Variants in GRM5 observed in about 807,000 individuals in gnomAD.
The protein encoded by GRM5 is metabotropic glutamate receptor 5.
GRM5 carries 19 observed loss-of-function variants against 83.1 expected under a neutral mutation model. The ratio of observed to expected loss-of-function variants is 0.23; its 90% CI spans 0.16 to 0.34. The LOEUF is 0.34. Among genes scored for constraint, GRM5 ranks in the 10% least tolerant of loss-of-function variants. The pLI is 1.00. For missense variants in GRM5, 1,160 were observed against 1,588.3 expected, an observed-to-expected ratio of 0.73 and a Z score of 4.58; for synonymous variants, 675 against 633.6, an observed-to-expected ratio of 1.07 and a Z score of -0.98.
intron 3 of GRM5, among the ~76,000 whole-genome samples, chr11:88,725,577 T>G (rs925402304): frequency 5.9e-5 from 9 of 152,132 alleles, no homozygotes; most frequent in Non-Finnish European, 1.0e-4. Flanking sequence ...CTGACCCCCA[T>G]GCCTCTGGAC....
chr11:88,616,348 G>C (rs973915003), intron 4 of GRM5, among the ~76,000 whole-genome samples: 1 of 150,314 alleles, frequency 6.7e-6, no homozygotes, highest in Non-Finnish European at 1.5e-5. Context: ...TAGGATATGA[G>C]GCAAGAGAGA....
At chr11:88,731,564 G>T (rs1235626102) in intron 3 of GRM5, among the ~76,000 whole-genome samples, 3 of 151,922 alleles carry the variant, frequency 2.0e-5, no homozygotes, top group Non-Finnish European at 4.4e-5. Flanking sequence ...AACATCACTG[G>T]AATATTTTGG....
intron 2 of GRM5, among the ~76,000 whole-genome samples, chr11:88,982,502 T>A (rs1215820643): frequency 6.6e-6 from 1 of 152,130 alleles, no homozygotes. Context: ...TGTAATATAG[T>A]TATAATGTTT....
chr11:88,723,780 C>T (rs979763), intron 3 of GRM5, among the ~76,000 whole-genome samples: 88,547 of 151,980 alleles, frequency 0.58, 27,864 homozygotes, highest in South Asian at 0.8. Flanking sequence ...TCAGGACCCT[C>T]TAACCTCATG....
At chr11:88,984,028 A>C (rs1565320464) in intron 2 of GRM5, among the ~76,000 whole-genome samples, 1 of 152,198 alleles carries the variant, frequency 6.6e-6, no homozygotes, top group African/African-American at 2.4e-5. Context: ...TTTGTGTTTA[A>C]AGCTGTTATT....
At chr11:88,812,264 G>A (rs868072540) in intron 3 of GRM5, among the ~76,000 whole-genome samples, 66 of 149,124 alleles carry the variant, frequency 4.4e-4, no homozygotes, top group African/African-American at 1.6e-3. Flanking sequence ...TAGTGATGAG[G>A]CTCTGAAGAG....
intron 6 of GRM5, among the ~76,000 whole-genome samples, chr11:88,594,902 T>A (rs1937757036): frequency 2.6e-5 from 4 of 152,130 alleles, no homozygotes; most frequent in African/African-American, 7.2e-5. Flanking sequence ...GCAAATAAAT[T>A]ATTTTGATAT....
intron 2 of GRM5, among the ~76,000 whole-genome samples, chr11:88,923,131 G>A (rs192917686): frequency 5.9e-4 from 90 of 152,170 alleles, no homozygotes; most frequent in African/African-American, 2.1e-3. Context: ...CACCACTATG[G>A]AGAACAGTGT....
At chr11:88,733,758 C>T (rs974313293) in intron 3 of GRM5, among the ~76,000 whole-genome samples, 5 of 151,976 alleles carry the variant, frequency 3.3e-5, no homozygotes, top group African/African-American at 4.8e-5. Flanking sequence ...TTCTCGAGAA[C>T]GTGTAAATTT....
At chr11:88,987,430 G>T (rs951079476) in intron 2 of GRM5, among the ~76,000 whole-genome samples, 3 of 151,774 alleles carry the variant, frequency 2.0e-5, no homozygotes, top group Admixed American at 2.0e-4. Flanking sequence ...GCGAGGTTGG[G>T]GGAGGGGCGC....
chr11:88,907,872 G>A (rs1945431190), intron 2 of GRM5, among the ~76,000 whole-genome samples: 1 of 151,990 alleles, frequency 6.6e-6, no homozygotes, highest in Non-Finnish European at 1.5e-5. Flanking sequence ...AGAAAATTTG[G>A]CAGTGGTGAT....
intron 1 of GRM5, among the ~76,000 whole-genome samples, chr11:89,051,220 C>T (rs1941753544): frequency 6.6e-6 from 1 of 151,782 alleles, no homozygotes; most frequent in African/African-American, 2.4e-5. Context: ...TGCGCCACTG[C>T]ACTCCAGCCT....
intron 8 of GRM5, among the ~76,000 whole-genome samples, chr11:88,538,288 A>G (rs935103258): frequency 1.3e-5 from 2 of 152,200 alleles, no homozygotes; most frequent in Non-Finnish European, 2.9e-5. Flanking sequence ...TTCAGATATG[A>G]ATCATCATAA....
intron 2 of GRM5, among the ~76,000 whole-genome samples, chr11:88,902,059 G>A (rs1356055601): frequency 6.6e-6 from 1 of 152,056 alleles, no homozygotes; most frequent in Non-Finnish European, 1.5e-5. Context: ...ACGATCCCCT[G>A]AGAAGGTCCC....
chr11:88,737,136 T>A (rs1341972362), intron 3 of GRM5, among the ~76,000 whole-genome samples: 2 of 152,114 alleles, frequency 1.3e-5, no homozygotes, highest in Non-Finnish European at 2.9e-5. Flanking sequence ...AAGCTCACAC[T>A]ATGAAAAGAT....
intron 2 of GRM5, among the ~76,000 whole-genome samples, chr11:88,963,577 A>G (rs558241289): frequency 2.0e-5 from 3 of 152,334 alleles, no homozygotes; most frequent in Admixed American, 1.3e-4. Context: ...AACCTGGTAG[A>G]GGTGGCAGAA....
At chr11:88,699,261 CTT>C (rs1322871338) in intron 3 of GRM5, among the ~76,000 whole-genome samples, 1 of 152,156 alleles carries the variant, frequency 6.6e-6, no homozygotes, top group Admixed American at 6.6e-5. Context: ...TTGAACCTAA[CTT>C]TTCACTACAG....
At chr11:88,959,443 A>C (rs1289685485) in intron 2 of GRM5, among the ~76,000 whole-genome samples, 1 of 151,696 alleles carries the variant, frequency 6.6e-6, no homozygotes, top group Non-Finnish European at 1.5e-5. Flanking sequence ...AACATATTAT[A>C]ATTAATTTTA....
chr11:88,590,721 G>A lies in GRM5; in HGVS notation c.1570C>T (p.Arg524Ter), dbSNP rs1259002284. The A allele has an allele frequency of 1.9e-6, 3 of 1,610,268 alleles. No homozygotes were observed. The highest frequency in any genetic ancestry group is 1.3e-5 in the African/African-American group (1 of 74,866). ...PCEKGQIKVI[R>*]KGEVSCCWTC... is the part of the protein sequence containing the mutation. The stretch of plus-strand genomic sequence containing the variant: ...CAACAACAGCTGACTTCTCCCTTTC[G>A]GATCACCTAAGGCAAATATTTGAAA... Residue 524 changes from arginine (R) to a stop codon, truncating the protein, a stop_gained, in exon 7 of 10, where the codon CGA becomes TGA. Coordinates refer to ENST00000305447, the MANE Select transcript of GRM5 (RefSeq NM_001143831.3). LOFTEE classifies it high-confidence loss of function.
Sources: gnomAD v4.1 joint callset for allele counts (sites outside exome capture counted in the v4.1 genomes callset) on GRCh38, gnomAD v4.1.1 for gene constraint, MANE v1.5 for transcripts, NCBI Gene and HGNC (gene_info 2026-07-23, HGNC 2026-07-21) for gene names.